The following CDH6 variants were observed in gnomAD, a reference collection of about 807,000 sequenced individuals.
CDH6 encodes cadherin-6.
Under a neutral mutation model 78.0 loss-of-function variants are expected in CDH6, and 31 were observed. The observed-to-expected ratio is 0.40, with a 90% CI of 0.30 to 0.54. The LOEUF (loss-of-function observed/expected upper bound fraction) is 0.54. Ranked by LOEUF, CDH6 falls within the 20% of genes least tolerant of loss-of-function variation. CDH6 has a pLI of 0.56. For synonymous variants in CDH6, 376 were observed against 368.8 expected, an observed-to-expected ratio of 1.02 and a Z score of -0.23; for missense variants, 724 against 975.9, an observed-to-expected ratio of 0.74 and a Z score of 3.44.
intron 1 of CDH6, among the ~76,000 whole-genome samples, chr5:31,211,398 GA>G (rs869288727): frequency 5.1e-4 from 21 of 40,896 alleles, no homozygotes; most frequent in Admixed American, 1.1e-3. Flanking sequence ...TAAGAAACTT[GA>G]AAAAAAAAAA....
chr5:31,254,166 G>T (rs1330994651), intron 1 of CDH6, among the ~76,000 whole-genome samples: 2 of 152,126 alleles, frequency 1.3e-5, no homozygotes, highest in Non-Finnish European at 2.9e-5. Context: ...CTTAGCCCTC[G>T]TGGTTATCAA....
At chr5:31,199,466 A>ATGTG (rs1491586374) in intron 1 of CDH6, among the ~76,000 whole-genome samples, 1 of 65,996 alleles carries the variant, frequency 1.5e-5, no homozygotes, top group Non-Finnish European at 3.2e-5. Context: ...GTGTATATAT[A>ATGTG]CACACACATA....
chr5:31,313,270 T>A, intron 7 of CDH6, 48 bp from the exon 8 acceptor site: 1 of 1,531,854 alleles, frequency 6.5e-7, no homozygotes, highest in South Asian at 1.2e-5. Flanking sequence ...GATGTGAGAA[T>A]AGGAAATAGA....
At chr5:31,297,166 A>G (rs886751855) in intron 3 of CDH6, 123 bp from the exon 4 acceptor site, 9 of 801,684 alleles carry the variant, frequency 1.1e-5, no homozygotes, top group East Asian at 2.5e-5. Flanking sequence ...GCATCCTACC[A>G]AAGTTCTCGA....
chr5:31,294,463 A>G lies in CDH6; in HGVS notation c.523+207A>G, dbSNP rs1737523377. 6.6e-6 allele frequency among the ~76,000 whole-genome samples: 1 copy of G among 152,170 alleles called. No homozygotes were observed. The highest frequency in any genetic ancestry group is 2.4e-5 in the African/African-American group (1 of 41,444). On this transcript the variant is annotated intron_variant, in intron 3 of 11. Transcript: ENST00000265071. This position sits in a 1 kb window ranked among gnomAD's most constrained non-coding sequence, Gnocchi z 4.1. ...ATTTTAAAAACCACATTTCCTCTAAAGAGGGTCTGAAAAGTGGCAGGGTGG... is the reference window on the plus strand; with the variant it reads ...ATTTTAAAAACCACATTTCCTCTAAGGAGGGTCTGAAAAGTGGCAGGGTGG...
intron 1 of CDH6, among the ~76,000 whole-genome samples, chr5:31,255,685 G>A (rs1345950758): frequency 1.3e-5 from 2 of 152,150 alleles, no homozygotes; most frequent in Non-Finnish European, 2.9e-5. Context: ...GCCCCCTTCT[G>A]TCTTATTAAT....
chr5:31,238,824 C>T (rs1741522209), intron 1 of CDH6, among the ~76,000 whole-genome samples: 1 of 152,206 alleles, frequency 6.6e-6, no homozygotes, highest in African/African-American at 2.4e-5. Context: ...CTTCTCTATA[C>T]TGTGTGTATG....
intron 1 of CDH6, among the ~76,000 whole-genome samples, chr5:31,257,931 G>A (rs1460438877): frequency 1.3e-5 from 2 of 152,088 alleles, no homozygotes; most frequent in Non-Finnish European, 2.9e-5. Context: ...GGGTTTTATC[G>A]AAGTTCTGCC....
At chr5:31,215,520 G>T (rs943269694) in intron 1 of CDH6, among the ~76,000 whole-genome samples, 2 of 152,176 alleles carry the variant, frequency 1.3e-5, no homozygotes, top group African/African-American at 4.8e-5. Context: ...TTCTAGGTCT[G>T]GTGTGCAGCA....
chr5:31,299,547 G>A lies in CDH6; in HGVS notation c.727G>A (p.Gly243Ser). Reference sequence around the variant, plus strand: ...GGTGATTCAAGCCAAGGATATGGGCGGCCAGATGGGAGGATTATCTGGGAC... The same window carrying A: ...GGTGATTCAAGCCAAGGATATGGGCAGCCAGATGGGAGGATTATCTGGGAC... ...QVVIQAKDMGGQMGGLSGTTT... is the reference protein window; with the variant it reads ...QVVIQAKDMGSQMGGLSGTTT... The change falls in exon 5 of 12, where the codon GGC becomes AGC. Residue 243 changes from glycine to serine, a missense_variant. By Grantham distance (56) the Gly-to-Ser change is moderately conservative. Coordinates refer to ENST00000265071, the MANE Select transcript of CDH6 (RefSeq NM_004932.4). 14 of 1,613,322 alleles carry A rather than the reference G, an allele frequency of 8.7e-6. No individual in the cohort carries two copies. Among genetic ancestry groups the A allele is most frequent in the Non-Finnish European group, 1.1e-5 (13 of 1,179,524 alleles).
chr5:31,227,551 C>T (rs1330741614), intron 1 of CDH6, among the ~76,000 whole-genome samples: 1 of 152,106 alleles, frequency 6.6e-6, no homozygotes, highest in East Asian at 1.9e-4. Context: ...GTACACCTCC[C>T]CCTCCCTAGC....
chr5:31,323,218 T>C lies in CDH6; in HGVS notation c.2283T>C (p.Asp761=), dbSNP rs2149962497. 1.2e-6 allele frequency: 2 copies of C among 1,614,178 alleles called. No homozygotes were observed. The highest frequency in any genetic ancestry group is 4.5e-5 in the East Asian group (2 of 44,890). ...TGGAGTCAGTGACCACGGATGCAGATCAAGACTATGATTACCTTAGTGACT... is the reference window on the plus strand; with the variant it reads ...TGGAGTCAGTGACCACGGATGCAGACCAAGACTATGATTACCTTAGTGACT... ...SSLESVTTDA[D]QDYDYLSDWG... is the part of the protein sequence containing the mutation. The change falls in exon 12 of 12, where the codon GAT becomes GAC. Residue 761 remains aspartate, a synonymous_variant. Transcript: ENST00000265071.
intron 1 of CDH6, among the ~76,000 whole-genome samples, chr5:31,244,017 C>G (rs894846868): frequency 5.3e-5 from 8 of 152,058 alleles, no homozygotes; most frequent in African/African-American, 1.9e-4. Flanking sequence ...TTTTTATGGC[C>G]AAATCAAACT....
chr5:31,200,771 G>A (rs1027898053), intron 1 of CDH6, among the ~76,000 whole-genome samples: 3 of 151,916 alleles, frequency 2.0e-5, no homozygotes, highest in African/African-American at 4.8e-5. Context: ...ATACAGTCAC[G>A]TTTTATATGG....
In CDH6 at chr5:31,323,080, C is replaced by A. The variant is rs1043224005; in HGVS notation, c.2145C>A (p.Phe715Leu). Residue 715 changes from phenylalanine (F) to leucine (L), a missense_variant, in exon 12 of 12, where the codon TTC becomes TTA. By Grantham distance (22) the Phe-to-Leu change is conservative. This residue lies in a region of CDH6 where 220 missense variants were observed against 240.6 expected (regional missense o/e 0.91). Transcript: ENST00000265071. ...TARDNTDVRD[F>L]INQRLKENDT... ...GCGACAACACCGATGTCAGAGATTT[C>A]ATTAACCAAAGGTTAAAGGAAAATG... 1.9e-6 allele frequency: 3 copies of A among 1,614,188 alleles called. No homozygotes were observed. The highest frequency in any genetic ancestry group is 2.5e-6 in the Non-Finnish European group (3 of 1,180,048).
At chr5:31,222,626 A>G (rs1429853165) in intron 1 of CDH6, among the ~76,000 whole-genome samples, 1 of 152,184 alleles carries the variant, frequency 6.6e-6, no homozygotes, top group Admixed American at 6.5e-5. Context: ...TCCTCTTAAT[A>G]TCTATAAAAC....
intron 1 of CDH6, among the ~76,000 whole-genome samples, chr5:31,219,018 G>A (rs1740938575): frequency 6.6e-6 from 1 of 152,160 alleles, no homozygotes; most frequent in Non-Finnish European, 1.5e-5. Flanking sequence ...GTGATTTTTG[G>A]ATGAGATCAA....
intron 7 of CDH6, among the ~76,000 whole-genome samples, chr5:31,308,682 C>T (rs752398998): frequency 8.5e-5 from 13 of 152,088 alleles, no homozygotes; most frequent in Non-Finnish European, 1.8e-4. Flanking sequence ...GGAAAAAATA[C>T]AATTTTCCTA....
chr5:31,210,378 C>T (rs1411302718), intron 1 of CDH6, among the ~76,000 whole-genome samples: 5 of 152,110 alleles, frequency 3.3e-5, no homozygotes, highest in Admixed American at 1.3e-4. Flanking sequence ...GTCGTGCGTG[C>T]CTGTAATCCC....
Sources: gnomAD v4.1 joint callset for allele counts (sites outside exome capture counted in the v4.1 genomes callset) on GRCh38, gnomAD v4.1.1 for gene constraint, gnomAD v4.1.1 regional missense constraint, Gnocchi (gnomAD v3.1) non-coding constraint, MANE v1.5 for transcripts, NCBI Gene and HGNC (gene_info 2026-07-23, HGNC 2026-07-21) for gene names.